LY86: variants seen among roughly 807,000 people sequenced by gnomAD.
LY86 encodes the protein MD-1, RP105-associated.
Under a neutral mutation model 17.3 loss-of-function variants are expected in LY86, and 20 were observed. The observed-to-expected ratio is 1.15, with a 90% CI of 0.81 to 1.68. LY86 has a LOEUF of 1.68. Among genes scored for constraint, LY86 ranks in the 40% most tolerant of loss-of-function variants. The pLI, the probability that LY86 is intolerant of heterozygous loss-of-function variation, is 0.00. For missense variants in LY86, 200 were observed against 191.9 expected (o/e 1.04, Z -0.25); for synonymous variants, 74 against 70.6 (o/e 1.05, Z -0.24).
rs57807685 is a variant in LY86 at position 6,595,894 on chromosome 6, G to C, written c.136+7024G>C. Among the ~76,000 whole-genome samples, 1,301 of 152,274 alleles carry C rather than the reference G, an allele frequency of 8.5e-3. 18 individuals carry two copies. Among genetic ancestry groups the C allele is most frequent in the African/African-American group, 0.029 (1,217 of 41,538 alleles). ...AGCCCTATTCAGCAGTGTGTGGAGG[G>C]CTGTGGGTGGTCCCTGTGGGACCTG... On this transcript the variant is annotated intron_variant, in intron 1 of 4. Coordinates refer to ENST00000230568, the MANE Select transcript of LY86 (RefSeq NM_004271.4).
chr6:6,626,289 C>A lies in LY86; in HGVS notation c.224-4C>A. 3 of 1,613,584 alleles carry A rather than the reference C, an allele frequency of 1.9e-6. No individual in the cohort carries two copies. The highest frequency in any genetic ancestry group is 2.5e-6 in the Non-Finnish European group (3 of 1,179,910). On this transcript the variant is annotated splice_polypyrimidine_tract_variant and splice_region_variant and intron_variant, in intron 2 of 4. Transcript: ENST00000230568. ...GAGTAAAGCTGTTCTTCTCTTTCCTCCAGGAGAGGACATCAAAGAGCTTTT... is the reference window on the plus strand; with the variant it reads ...GAGTAAAGCTGTTCTTCTCTTTCCTACAGGAGAGGACATCAAAGAGCTTTT...
intron 1 of LY86, among the ~76,000 whole-genome samples, chr6:6,612,409 C>T (rs992317610): frequency 2.6e-5 from 4 of 152,210 alleles, no homozygotes; most frequent in Non-Finnish European, 5.9e-5. Flanking sequence ...GGTACCTAGT[C>T]TCACTGGCCT....
intron 1 of LY86, among the ~76,000 whole-genome samples, chr6:6,604,338 T>G (rs777244870): frequency 6.6e-6 from 1 of 151,948 alleles, no homozygotes; most frequent in Non-Finnish European, 1.5e-5. Flanking sequence ...TATAGCTTCT[T>G]TAATTAAAAA....
intron 1 of LY86, among the ~76,000 whole-genome samples, chr6:6,612,068 A>G (rs914249542): frequency 2.1e-4 from 32 of 152,330 alleles, no homozygotes; most frequent in Admixed American, 1.8e-3. Flanking sequence ...TAAAAAGCCA[A>G]TGTATTAGCA....
chr6:6,637,429 T>C (rs1761976321), intron 3 of LY86, among the ~76,000 whole-genome samples: 1 of 152,198 alleles, frequency 6.6e-6, no homozygotes, highest in Non-Finnish European at 1.5e-5. Flanking sequence ...AGTCAATTCT[T>C]TATGTTCCTT....
intron 1 of LY86, 93 bp downstream of exon 1, chr6:6,588,963 G>A (rs3835211): frequency 1.7e-5 from 14 of 841,006 alleles, no homozygotes; most frequent in Admixed American, 5.8e-5. Context: ...GGGGTGGGAG[G>A]GGAGAGGGGA....
In LY86 at chr6:6,632,000, C is replaced by A. The variant is rs141707633; in HGVS notation, c.352+5579C>A. On this transcript the variant is annotated intron_variant, in intron 3 of 4. Transcript: ENST00000230568. ...TCTGTGGCATGTTAACTTTTGTGAA[C>A]CACTGCTAGAAGGTAAGTCAGAATC... Among the ~76,000 whole-genome samples, 599 of 152,288 alleles carry A rather than the reference C, an allele frequency of 3.9e-3. 3 individuals are homozygous for A. Among genetic ancestry groups the A allele is most frequent in the Non-Finnish European group, 6.7e-3 (454 of 68,030 alleles).
At chr6:6,650,029 G>T (rs1183218905) in intron 4 of LY86, among the ~76,000 whole-genome samples, 3 of 152,292 alleles carry the variant, frequency 2.0e-5, no homozygotes, top group African/African-American at 7.2e-5. Flanking sequence ...CAGTGCTGCT[G>T]GGCTGTGTGG....
At chr6:6,624,210 C>G (rs1272535883) in intron 1 of LY86, among the ~76,000 whole-genome samples, 1 of 152,116 alleles carries the variant, frequency 6.6e-6, no homozygotes. Flanking sequence ...GAAGTTGGAG[C>G]CAGTCGCTCA....
At chr6:6,613,734 C>T (rs1421642948) in intron 1 of LY86, among the ~76,000 whole-genome samples, 2 of 152,236 alleles carry the variant, frequency 1.3e-5, no homozygotes, top group South Asian at 4.1e-4. Flanking sequence ...CAAGCGCGGC[C>T]AGAGTGGGCG....
At chr6:6,642,629 C>A (rs1762056140) in intron 3 of LY86, among the ~76,000 whole-genome samples, 1 of 152,158 alleles carries the variant, frequency 6.6e-6, no homozygotes, top group African/African-American at 2.4e-5. Flanking sequence ...TTGTTATTAC[C>A]TTAAATGAGA....
At chr6:6,637,802 A>G (rs1355541361) in intron 3 of LY86, among the ~76,000 whole-genome samples, 2 of 152,190 alleles carry the variant, frequency 1.3e-5, no homozygotes, top group Non-Finnish European at 2.9e-5. Flanking sequence ...TCTGAGGATC[A>G]AGTCAATTTC....
intron 3 of LY86, 142 bp downstream of exon 3, chr6:6,626,563 T>A (rs1242110021): frequency 1.1e-6 from 1 of 870,868 alleles, no homozygotes; most frequent in African/African-American, 1.7e-5. Context: ...TATCAGCATG[T>A]GTTGCAGAAA....
At position 6,605,431 on chromosome 6, in the gene LY86, C is replaced by T. The variant is rs143643414; in HGVS notation, c.136+16561C>T. ...CGCAATGAACAGACCTCCAAAGATCCGCTTTCATGCCCACTCACAGGGCTG... is the reference window on the plus strand; with the variant it reads ...CGCAATGAACAGACCTCCAAAGATCTGCTTTCATGCCCACTCACAGGGCTG... On this transcript the variant is annotated intron_variant, in intron 1 of 4. Transcript: ENST00000230568. Among the ~76,000 whole-genome samples the T allele has an allele frequency of 4.9e-3, 751 of 152,320 alleles. 4 individuals carry two copies. Among genetic ancestry groups the T allele is most frequent in the Non-Finnish European group, 7.8e-3 (528 of 68,016 alleles).
chr6:6,649,484 G>GTC, intron 3 of LY86, 141 bp from the exon 4 acceptor site: 1 of 593,166 alleles, frequency 1.7e-6, no homozygotes. Context: ...TGTAGATCAG[G>GTC]AAATGAAAAC....
chr6:6,625,669 C>T (rs1761772544), intron 2 of LY86, among the ~76,000 whole-genome samples: 2 of 152,154 alleles, frequency 1.3e-5, no homozygotes, highest in South Asian at 4.1e-4. Flanking sequence ...ATGGAGGGAA[C>T]ATTCATAGAA....
chr6:6,647,038 G>A (rs1381632206), intron 3 of LY86, among the ~76,000 whole-genome samples: 3 of 152,136 alleles, frequency 2.0e-5, no homozygotes, highest in South Asian at 4.1e-4. Context: ...ACAGGCACTC[G>A]CCATCTAGTG....
chr6:6,634,458 A>ATAT (rs1233908045), intron 3 of LY86, among the ~76,000 whole-genome samples: 1 of 152,234 alleles, frequency 6.6e-6, no homozygotes, highest in East Asian at 1.9e-4. Context: ...GTCTGGCATA[A>ATAT]TATTGCCCAT....
chr6:6,652,589 C>T (rs1012085368), intron 4 of LY86, among the ~76,000 whole-genome samples: 1 of 152,184 alleles, frequency 6.6e-6, no homozygotes, highest in Non-Finnish European at 1.5e-5. Flanking sequence ...TTTGGGCTCC[C>T]GAAGCATGTG....
Sources: allele counts gnomAD v4.1 joint callset (sites outside exome capture counted in the v4.1 genomes callset), GRCh38; gene constraint gnomAD v4.1.1; transcripts MANE v1.5; gene names NCBI Gene and HGNC (gene_info 2026-07-23, HGNC 2026-07-21).